The following NOP2 variants were observed in gnomAD, a reference collection of about 807,000 sequenced individuals.
NOP2 encodes the protein 28S rRNA (cytosine(4447)-C(5))-methyltransferase.
In NOP2, 7 loss-of-function variants were observed where a neutral mutation model predicts 72.7. The observed-to-expected ratio is 0.10, with a 90% CI of 0.05 to 0.18. NOP2 has a LOEUF of 0.18. Among genes scored for constraint, NOP2 ranks in the 10% least tolerant of loss-of-function variants. The probability of loss-of-function intolerance (pLI) is 1.00; values close to 1 mark genes in which losing one functional copy is unlikely to be tolerated. For missense variants in NOP2, 954 were observed against 1,014.7 expected (o/e 0.94, Z 0.81); for synonymous variants, 387 against 388.0 (o/e 1.00, Z 0.03).
chr12:6,557,490 G>C lies in NOP2; in HGVS notation c.1942C>G (p.Gln648Glu), dbSNP rs1370047299. 1.2e-6 allele frequency: 2 copies of C among 1,613,958 alleles called. No homozygotes were observed. Among genetic ancestry groups the C allele is most frequent in the Middle Eastern group, 1.7e-4 (1 of 6,060 alleles). Residue 648 changes from glutamine (Q) to glutamate (E), a missense_variant, in exon 16 of 16, where the codon CAG becomes GAG. By Grantham distance (29) the Gln-to-Glu change is conservative. This residue lies in a region of NOP2 where 269 missense variants were observed against 260.2 expected (regional missense o/e 1.03). Coordinates refer to ENST00000322166, the MANE Select transcript of NOP2 (RefSeq NM_001258308.2). ...KQQHPKKASF[Q>E]KLNGISKGAD... is the part of the protein sequence containing the mutation. ...CCTTTGGAGATGCCATTCAGCTTCT[G>C]GAAGGAGGCCTTCTTGGGATGTTGC...
intron 4 of NOP2, 90 bp downstream of exon 4, chr12:6,566,438 TC>T (rs1253631478): frequency 2.6e-6 from 4 of 1,510,026 alleles, no homozygotes; most frequent in Non-Finnish European, 3.7e-6. Context: ...CTTTGGCTGT[TC>T]CTTTCACTCC....
In NOP2 at chr12:6,568,248, C is replaced by G. The variant is rs1947842580; in HGVS notation, c.-46G>C. Reference sequence around the variant, plus strand: ...GTCCGAGAGTGCCCTTCGGGCGGCCCTCCACGTGCAATCCGGACCTAGCTT... The same window carrying G: ...GTCCGAGAGTGCCCTTCGGGCGGCCGTCCACGTGCAATCCGGACCTAGCTT... On this transcript the variant is annotated 5_prime_UTR_variant, in exon 1 of 16. Transcript: ENST00000322166. The G allele has an allele frequency of 4.0e-6, 1 of 253,020 alleles. No individual in the cohort carries two copies. Among genetic ancestry groups the G allele is most frequent in the East Asian group, 9.6e-5 (1 of 10,422 alleles). 15.7% of individuals were successfully genotyped at this position (253,020 alleles called of 1,614,324 possible). A position where few individuals can be genotyped will look rare whatever the true frequency, so the allele number is the denominator to read the frequency against.
In NOP2 at chr12:6,561,729, G is replaced by T. The variant is rs751109464; in HGVS notation, c.1142C>A (p.Ala381Glu). Residue 381 changes from alanine (A) to glutamate (E), a missense_variant, in exon 11 of 16, where the codon GCA becomes GAA. This residue lies in a region of NOP2 where 187 missense variants were observed against 276.2 expected (regional missense o/e 0.68). Transcript: ENST00000322166. ...CAGGATCCGCTCATGTTCCTGGGGT[G>T]CCAAGGCCATGACGGGCAACATGCT... is the stretch of plus-strand genomic sequence containing the variant. ...ASSMLPVMAL[A>E]PQEHERILDM... 8.1e-6 allele frequency: 13 copies of T among 1,613,186 alleles called. No individual in the cohort carries two copies. Among genetic ancestry groups the T allele is most frequent in the Non-Finnish European group, 1.0e-5 (12 of 1,179,604 alleles).
In NOP2 at chr12:6,558,140, C is replaced by CAAAA. The variant is rs1186896591; in HGVS notation, c.1790-502_1790-499dup. 6.9e-3 allele frequency: 1,207 copies of CAAAA among 174,686 alleles called. 31 individuals are homozygous for CAAAA. Among genetic ancestry groups the CAAAA allele is most frequent in the African/African-American group, 0.035 (688 of 19,646 alleles). The allele number at this position is 174,686 out of a possible 1,614,324, so 10.8% of individuals were successfully genotyped here. A position where few individuals can be genotyped will look rare whatever the true frequency, so the allele number is the denominator to read the frequency against. ...TGAGCGACAAAGCAAGACACCGTCT[C>CAAAA]AAAAAAAAAAAAAAAAAAAAAAAAA... is the stretch of plus-strand genomic sequence containing the variant. On this transcript the variant is annotated intron_variant, in intron 15 of 15. Transcript: ENST00000322166.
In NOP2 at chr12:6,560,817, T is replaced by C. The variant is rs1565587800; in HGVS notation, c.1348-30A>G. The C allele has an allele frequency of 6.2e-7, 1 of 1,609,506 alleles. No individual in the cohort carries two copies. The highest frequency in any genetic ancestry group is 8.5e-7 in the Non-Finnish European group (1 of 1,177,696). ...AGAAAAGATACAGATGAATCATATGTCTCTTCTGCAACCAGCAGGGCAATA... is the reference window on the plus strand; with the variant it reads ...AGAAAAGATACAGATGAATCATATGCCTCTTCTGCAACCAGCAGGGCAATA... On this transcript the variant is annotated intron_variant, in intron 12 of 15. Coordinates refer to ENST00000322166, the MANE Select transcript of NOP2 (RefSeq NM_001258308.2). This position sits in a 1 kb window ranked among gnomAD's most constrained non-coding sequence, Gnocchi z 5.0.
rs1011763352 is a variant in NOP2, at chr12:6,566,974, G to A, written c.104-152C>T. On this transcript the variant is annotated intron_variant, in intron 2 of 15. Coordinates refer to ENST00000322166, the MANE Select transcript of NOP2 (RefSeq NM_001258308.2). ...GTTATTATTTAATAACTGTATACAA[G>A]TTTCTTTTTTTTTTTTGAAATGGAG... Among the ~76,000 whole-genome samples, 79 of 148,936 alleles carry A rather than the reference G, an allele frequency of 5.3e-4. 1 individual carries two copies. Among genetic ancestry groups the A allele is most frequent in the Non-Finnish European group, 3.1e-4 (21 of 66,768 alleles).
chr12:6,560,496 G>T lies in NOP2; in HGVS notation c.1511C>A (p.Ala504Glu). The T allele has an allele frequency of 6.2e-7, 1 of 1,605,390 alleles. No homozygotes were observed. The highest frequency in any genetic ancestry group is 8.5e-7 in the Non-Finnish European group (1 of 1,174,838). ...LLLSAIDSVN[A>E]TSKTGGYLVY... ...CAGGTAGCCTCCTGTCTTGGAGGTCGCATTGACAGAGTCAATAGCACTCAG... is the reference window on the plus strand; with the variant it reads ...CAGGTAGCCTCCTGTCTTGGAGGTCTCATTGACAGAGTCAATAGCACTCAG... The change falls in exon 14 of 16, where the codon GCG becomes GAG. Residue 504 changes from alanine (A) to glutamate (E), a missense_variant. Coordinates refer to ENST00000322166, the MANE Select transcript of NOP2 (RefSeq NM_001258308.2). The surrounding 1 kb of genome is among the most constrained non-coding windows in gnomAD (Gnocchi z 5.0).
chr12:6,568,150 C>T (rs1372192133), intron 1 of NOP2, 57 bp downstream of exon 1: 1 of 563,358 alleles, frequency 1.8e-6, no homozygotes, highest in East Asian at 3.1e-5. Flanking sequence ...CTTCTCCCCA[C>T]GTCCCAGACC....
intron 15 of NOP2, among the ~76,000 whole-genome samples, chr12:6,558,720 C>A (rs1481506498): frequency 6.6e-6 from 1 of 151,432 alleles, no homozygotes; most frequent in East Asian, 1.9e-4. Flanking sequence ...AAGGGATCCT[C>A]CTACCTCAGC....
At chr12:6,566,879 G>A (rs1040883467) in intron 2 of NOP2, 57 bp from the exon 3 acceptor site, 6 of 1,415,156 alleles carry the variant, frequency 4.2e-6, no homozygotes, top group East Asian at 2.4e-5. Context: ...AAAAATAAAT[G>A]GGAACGGAAA....
chr12:6,566,575 T>A lies in NOP2; in HGVS notation c.192A>T (p.Thr64=), dbSNP rs1228035101. 6.2e-7 allele frequency: 1 copy of A among 1,613,872 alleles called. No individual in the cohort carries two copies. Among genetic ancestry groups the A allele is most frequent in the Non-Finnish European group, 8.5e-7 (1 of 1,179,898 alleles). ...ATGGTTTGGCCTCAGGAGACTTATT[T>A]GTCTTAGGGGCTTCAACAGAGCCCA... ...RRLGSVEAPK[T]NKSPEAKPLP... is the part of the protein sequence containing the mutation. Residue 64 remains threonine (T), a synonymous_variant, in exon 4 of 16, where the codon ACA becomes ACT. Transcript: ENST00000322166.
At chr12:6,568,165 C>T in intron 1 of NOP2, 42 bp downstream of exon 1, 1 of 530,574 alleles carries the variant, frequency 1.9e-6, no homozygotes, top group South Asian at 2.2e-5. Context: ...CAGACCAGGT[C>T]AGTGCTGCCA....
At chr12:6,566,934 T>G in intron 2 of NOP2, 112 bp from the exon 3 acceptor site, 1 of 843,374 alleles carries the variant, frequency 1.2e-6, no homozygotes, top group Non-Finnish European at 1.9e-6. Context: ...AGGAGTCCAT[T>G]TAAATCTCAG....
At chr12:6,567,973 C>T in intron 1 of NOP2, 51 bp from the exon 2 acceptor site, 7 of 1,408,058 alleles carry the variant, frequency 5.0e-6, no homozygotes, top group Admixed American at 3.4e-5. Flanking sequence ...TCGGAGGGAA[C>T]GGCAGAACGC....
Position 6,566,217 on chromosome 12 carries a change from A to G in NOP2, c.358T>C (p.Ser120Pro). 6.2e-7 allele frequency: 1 copy of G among 1,613,954 alleles called. No homozygotes were observed. The highest frequency in any genetic ancestry group is 1.1e-5 in the South Asian group (1 of 91,084). ...GSDEEEEEEDSEEDGMVNHGD... is the reference protein window; with the variant it reads ...GSDEEEEEEDPEEDGMVNHGD... The stretch of plus-strand genomic sequence containing the variant: ...TGGTTCACCATACCATCTTCTTCAG[A>G]GTCTTCCTCCTCCTCTTCCTCATCA... The change falls in exon 5 of 16, where the codon TCT (serine) becomes CCT (proline). Residue 120 changes from serine (S) to proline (P), a missense_variant. By Grantham distance (74) the Ser-to-Pro change is moderately conservative (BLOSUM62 -1). This residue lies in a region of NOP2 where 498 missense variants were observed against 478.3 expected (regional missense o/e 1.04). Transcript: ENST00000322166.
chr12:6,567,954 T>A, intron 1 of NOP2, 32 bp from the exon 2 acceptor site: 2 of 1,561,606 alleles, frequency 1.3e-6, no homozygotes, highest in Non-Finnish European at 1.8e-6. Flanking sequence ...GAAGGTGGCG[T>A]CGCGCGTGTC....
intron 9 of NOP2, among the ~76,000 whole-genome samples, chr12:6,562,590 T>G (rs1947678768): frequency 6.6e-6 from 1 of 152,132 alleles, no homozygotes; most frequent in Admixed American, 6.5e-5. Context: ...GCTGAGCCCC[T>G]CCACTATACT....
In NOP2 at chr12:6,557,105, G is replaced by A; in HGVS notation, c.2327C>T (p.Thr776Ile). Residue 776 changes from threonine to isoleucine, a missense_variant, in exon 16 of 16, where the codon ACC becomes ATC. Around this residue, in one of 3 missense-constraint regions of NOP2, gnomAD observed 269 missense variants for 260.2 expected, o/e 1.03. Coordinates refer to ENST00000322166, the MANE Select transcript of NOP2 (RefSeq NM_001258308.2). ...EKAAFQKQND[T>I]PKGPQPPTVS... ...AGTGGGAGGCTGAGGCCCCTTGGGG[G>A]TATCATTCTGTTTCTGGAAGGCAGC... is the stretch of plus-strand genomic sequence containing the variant. The A allele has an allele frequency of 1.9e-6, 3 of 1,614,002 alleles. No individual in the cohort carries two copies. Among genetic ancestry groups the A allele is most frequent in the East Asian group, 2.2e-5 (1 of 44,876 alleles).
Position 6,563,815 on chromosome 12 carries a change from G to T in NOP2, c.531-44C>A, listed in dbSNP as rs1038322443. On this transcript the variant is annotated intron_variant, in intron 6 of 15. Coordinates refer to ENST00000322166, the MANE Select transcript of NOP2 (RefSeq NM_001258308.2). Reference sequence around the variant, plus strand: ...ACAGAGTGATTCACAGACCAAAACAGATACCTCCTCCTTCCTCACAGCTTC... The same window carrying T: ...ACAGAGTGATTCACAGACCAAAACATATACCTCCTCCTTCCTCACAGCTTC... 3.7e-6 allele frequency: 6 copies of T among 1,612,586 alleles called. No homozygotes were observed. In the South Asian group the frequency reaches 6.6e-5, roughly 18 times the overall value.
Sources: allele counts gnomAD v4.1 joint callset (sites outside exome capture counted in the v4.1 genomes callset), GRCh38; gene constraint gnomAD v4.1.1; regional missense constraint gnomAD v4.1.1; non-coding constraint Gnocchi (gnomAD v3.1); transcripts MANE v1.5; gene names NCBI Gene and HGNC (gene_info 2026-07-23, HGNC 2026-07-21).